The following GPR135 variants were observed in gnomAD, a reference collection of about 807,000 sequenced individuals.
GPR135 encodes G protein-coupled receptor 135, also known as G-protein coupled receptor 135.
In GPR135, 17 loss-of-function variants were observed where a neutral mutation model predicts 15.0. The ratio of observed to expected loss-of-function variants is 1.13; its 90% confidence interval spans 0.78 to 1.70. The LOEUF (loss-of-function observed/expected upper bound fraction) is 1.70, where lower values mean the gene tolerates loss of function less well. GPR135 is among the 40% of genes most tolerant of loss of function. The pLI is 0.00. For synonymous variants in GPR135, 368 were observed against 349.4 expected (o/e 1.05, Z -0.59); for missense variants, 776 against 727.0 (o/e 1.07, Z -0.78).
At position 59,464,499 on chromosome 14, in the gene GPR135, G is replaced by A. The variant is rs776615679; in HGVS notation, c.728C>T (p.Pro243Leu). Reference protein sequence around the residue: ...AWLTALGFSLPWELLGAPREL... With the variant: ...AWLTALGFSLLWELLGAPREL... ...CCGGGGCGCCCCGAGCAGCTCCCAG[G>A]GCAAGGAGAAGCCCAGGGCCGTCAG... Residue 243 changes from proline (P) to leucine (L), a missense_variant, in exon 1 of 1, where the codon CCC (proline) becomes CTC (leucine). Physicochemically the swap from Pro to Leu is moderately conservative, Grantham distance 98. Coordinates refer to ENST00000395116, the MANE Select transcript of GPR135 (RefSeq NM_022571.6). 52 of 1,543,016 alleles carry A rather than the reference G, an allele frequency of 3.4e-5. 1 individual carries two copies. In the South Asian group the frequency reaches 5.8e-4, roughly 17 times the overall value.
At position 59,464,042 on chromosome 14, in the gene GPR135, C is replaced by T. The variant is rs1594895969; in HGVS notation, c.1185G>A (p.Ser395=). 6.2e-7 allele frequency: 1 copy of T among 1,613,676 alleles called. No individual in the cohort carries two copies. The highest frequency in any genetic ancestry group is 1.3e-5 in the African/African-American group (1 of 74,950). ...VIYAIRNPNI[S]MLLGRNREEG... ...CCTCGCGGTTGCGCCCTAGGAGCAT[C>T]GAAATGTTGGGATTGCGGATGGCGT... is the stretch of plus-strand genomic sequence containing the variant. Residue 395 remains serine (S), a synonymous_variant, in exon 1 of 1, where the codon TCG becomes TCA. Coordinates refer to ENST00000395116, the MANE Select transcript of GPR135 (RefSeq NM_022571.6).
In GPR135 at chr14:59,453,368, A is replaced by G. The variant is rs183049125; in HGVS notation, c.*874+2316T>C. Among the ~76,000 whole-genome samples, 31 of 152,284 alleles carry G rather than the reference A, an allele frequency of 2.0e-4. No individual in the cohort carries two copies. In the East Asian group the frequency reaches 6.0e-3, roughly 29 times the overall value. ...TGGGAAATCTCTGTACTTTCACTCA[A>G]TTTTGCTGTGAACCTAAAGATGCTC... On this transcript the variant is annotated intron_variant and NMD_transcript_variant, in intron 6 of 6. Coordinates refer to the GPR135 transcript ENST00000481661.
rs1310554056 is a variant in GPR135 at position 59,464,589 on chromosome 14, A to G, written c.638T>C (p.Ile213Thr). 11 of 1,588,366 alleles carry G rather than the reference A, an allele frequency of 6.9e-6. No homozygotes were observed. The highest frequency in any genetic ancestry group is 9.4e-6 in the Non-Finnish European group (11 of 1,175,160). ...ALISLDRYCAIVRPPREKIGR... is the reference protein window; with the variant it reads ...ALISLDRYCATVRPPREKIGR... ...GATCTTCTCCCGCGGCGGCCGCACG[A>G]TAGCGCAGTAACGGTCCAACGAGAT... Residue 213 changes from isoleucine to threonine, a missense_variant, in exon 1 of 1, where the codon ATC becomes ACC. Physicochemically the swap from Ile to Thr is moderately conservative, Grantham distance 89 (BLOSUM62 -1). Transcript: ENST00000395116.
chr14:59,464,990 CCG>C lies in GPR135; in HGVS notation c.235_236del (p.Arg79GlyfsTer39). The C allele has an allele frequency of 2.1e-6, 3 of 1,430,406 alleles. No individual in the cohort carries two copies. The highest frequency in any genetic ancestry group is 2.7e-6 in the Non-Finnish European group (3 of 1,098,414). 88.6% of individuals were successfully genotyped at this position (1,430,406 alleles called of 1,614,324 possible). A position where few individuals can be genotyped will look rare whatever the true frequency, so the allele number is the denominator to read the frequency against. On this transcript the variant is annotated frameshift_variant, in exon 1 of 1. Transcript: ENST00000395116. LOFTEE classifies it high-confidence loss of function. ...GGGLGGSGAA[R>X]EAGAAVRRPL... is the part of the protein sequence containing the mutation. ...GCCGCCTCACCGCCGCCCCCGCCTC[CCG>C]CGCTGCCCCGGACCCGCCAAGGCCG...
At chr14:59,455,042 G>A (rs1888608258) in intron 6 of GPR135, among the ~76,000 whole-genome samples, 1 of 151,952 alleles carries the variant, frequency 6.6e-6, no homozygotes, top group South Asian at 2.1e-4. Context: ...GGAGATTGCG[G>A]TGAGCCAAGA....
chr14:59,463,679 A>G lies in GPR135; in HGVS notation c.*63T>C. 1.4e-6 allele frequency: 2 copies of G among 1,438,296 alleles called. No homozygotes were observed. Among genetic ancestry groups the G allele is most frequent in the Non-Finnish European group, 1.9e-6 (2 of 1,067,740 alleles). The allele number at this position is 1,438,296 out of a possible 1,614,324, so 89.1% of individuals were successfully genotyped here. On this transcript the variant is annotated 3_prime_UTR_variant, in exon 1 of 1. Coordinates refer to ENST00000395116, the MANE Select transcript of GPR135 (RefSeq NM_022571.6). The stretch of plus-strand genomic sequence containing the variant: ...ATGAAATCCACAACTCTCCCCCAGA[A>G]TCTTCCATCATTAAATAATGCGAGT...
In GPR135 at chr14:59,461,592, A is replaced by T. The variant is rs1888859929; in HGVS notation, c.*2150T>A. The T allele has an allele frequency of 6.6e-6, 1 of 151,934 alleles. No individual in the cohort carries two copies. Among genetic ancestry groups the T allele is most frequent in the South Asian group, 2.1e-4 (1 of 4,812 alleles). The allele number at this position is 151,934 out of a possible 1,614,324, so 9.4% of individuals were successfully genotyped here. On this transcript the variant is annotated 3_prime_UTR_variant, in exon 1 of 1. Transcript: ENST00000395116. ...TTCATGCCATCACCTTGTCACTTCC[A>T]ATCTCTCAGATTTTCCCTTCACTCA...
At position 59,464,297 on chromosome 14, in the gene GPR135, G is replaced by C. The variant is rs1230728212; in HGVS notation, c.930C>G (p.Arg310=). 1 of 1,611,890 alleles carries C rather than the reference G, an allele frequency of 6.2e-7. No individual in the cohort carries two copies. Among genetic ancestry groups the C allele is most frequent in the Non-Finnish European group, 8.5e-7 (1 of 1,179,600 alleles). The stretch of plus-strand genomic sequence containing the variant: ...GCGCGTAGGTGTTCACCGGCCGCAC[G>C]CGCACGTCCGACAGGCGCACCGTCT... The part of the protein sequence containing the change: ...ICKTVRLSDV[R]VRPVNTYARV... Residue 310 remains arginine (R), a synonymous_variant, in exon 1 of 1, where the codon CGC becomes CGG. Coordinates refer to ENST00000395116, the MANE Select transcript of GPR135 (RefSeq NM_022571.6).
In GPR135 at chr14:59,463,779, T is replaced by A. The variant is rs1594895314; in HGVS notation, c.1448A>T (p.Lys483Ile). 6.2e-7 allele frequency: 1 copy of A among 1,611,856 alleles called. No homozygotes were observed. Among genetic ancestry groups the A allele is most frequent in the East Asian group, 2.2e-5 (1 of 44,868 alleles). ...GPPEPVTAVT[K>I]QPKSEAGDTS... is the part of the protein sequence containing the mutation. The stretch of plus-strand genomic sequence containing the variant: ...ATCCCCAGCTTCGGATTTAGGCTGT[T>A]TGGTCACTGCCGTCACCGGCTCTGG... The change falls in exon 1 of 1, where the codon AAA becomes ATA. Residue 483 changes from lysine to isoleucine, a missense_variant. By Grantham distance (102) the Lys-to-Ile change is moderately radical. Transcript: ENST00000395116.
At position 59,463,824 on chromosome 14, in the gene GPR135, A is replaced by G; in HGVS notation, c.1403T>C (p.Leu468Pro). 6.2e-7 allele frequency: 1 copy of G among 1,614,202 alleles called. No homozygotes were observed. The highest frequency in any genetic ancestry group is 8.5e-7 in the Non-Finnish European group (1 of 1,180,028). Residue 468 changes from leucine (L) to proline (P), a missense_variant, in exon 1 of 1, where the codon CTT becomes CCT. Coordinates refer to ENST00000395116, the MANE Select transcript of GPR135 (RefSeq NM_022571.6). ...CTCTGGTGGTCCCTCTCGGCAGAAA[A>G]GTACAACTGGATTTTTGCGGGCCCA... is the stretch of plus-strand genomic sequence containing the variant. Reference protein sequence around the residue: ...AMWARKNPVVLFCREGPPEPV... With the variant: ...AMWARKNPVVPFCREGPPEPV...
chr14:59,464,087 CCCATTGG>C lies in GPR135; in HGVS notation c.1133_1139del (p.Ala378GlyfsTer19), dbSNP rs1423700514. 1 of 1,612,482 alleles carries C rather than the reference CCCATTGG, an allele frequency of 6.2e-7. No individual in the cohort carries two copies. Among genetic ancestry groups the C allele is most frequent in the African/African-American group, 1.3e-5 (1 of 74,944 alleles). On this transcript the variant is annotated frameshift_variant, in exon 1 of 1. Coordinates refer to ENST00000395116, the MANE Select transcript of GPR135 (RefSeq NM_022571.6). LOFTEE classifies it low-confidence loss of function (END_TRUNC). ...TGGCGTAGATGACAGGGTTGATGGC[CCCATTGG>C]CCCAGGTCAGCCAGACGGCCACCAC...
rs922252426 is a variant in GPR135, at chr14:59,453,615, T to C, written c.*874+2069A>G. On this transcript the variant is annotated intron_variant and NMD_transcript_variant, in intron 6 of 6. Transcript: ENST00000481661. The stretch of plus-strand genomic sequence containing the variant: ...ACTCCAAAATATTTTGTGATGGATG[T>C]TAAGGTGGGTTTCTCAGGGAGAACC... Among the ~76,000 whole-genome samples the C allele has an allele frequency of 3.4e-4, 52 of 152,128 alleles. 2 individuals are homozygous for C. The highest frequency in any genetic ancestry group is 7.4e-5 in the Non-Finnish European group (5 of 68,022).
Position 59,464,136 on chromosome 14 carries a change from G to T in GPR135, c.1091C>A (p.Ala364Asp), listed in dbSNP as rs574844181. Residue 364 changes from alanine to aspartate, a missense_variant, in exon 1 of 1, where the codon GCC (alanine) becomes GAC (aspartate). Ala to Asp is a moderately radical substitution (Grantham distance 126, BLOSUM62 -2). Transcript: ENST00000395116. Reference sequence around the variant, plus strand: ...GGCCACCACGCTGAGGAGCGAGGGGGCCTGCATGGTCTGGGCCTGCCGGGC... The same window carrying T: ...GGCCACCACGCTGAGGAGCGAGGGGTCCTGCATGGTCTGGGCCTGCCGGGC... ...AAARQAQTMQAPSLLSVVAVW... is the reference protein window; with the variant it reads ...AAARQAQTMQDPSLLSVVAVW... 7.5e-6 allele frequency: 12 copies of T among 1,609,636 alleles called. No homozygotes were observed. The highest frequency in any genetic ancestry group is 6.6e-5 in the South Asian group (6 of 91,054).
rs1026976850 is a variant in GPR135, at chr14:59,464,897, G to T, written c.330C>A (p.Leu110=). 1.2e-6 allele frequency: 2 copies of T among 1,604,698 alleles called. No individual in the cohort carries two copies. The part of the protein sequence containing the change: ...GAAVAAQALV[L]LLIFLLSSLG... ...GGCTAGACAGCAGGAAGATGAGCAG[G>T]AGGACGAGCGCCTGGGCCGCCACTG... Residue 110 remains leucine (L), a synonymous_variant, in exon 1 of 1, where the codon CTC becomes CTA. Coordinates refer to ENST00000395116, the MANE Select transcript of GPR135 (RefSeq NM_022571.6).
In GPR135 at chr14:59,454,608, C is replaced by T. The variant is rs569880303; in HGVS notation, c.*874+1076G>A. 1.4e-4 allele frequency among the ~76,000 whole-genome samples: 21 copies of T among 152,100 alleles called. No homozygotes were observed. In the East Asian group the frequency reaches 2.3e-3, roughly 17 times the overall value. On this transcript the variant is annotated intron_variant and NMD_transcript_variant, in intron 6 of 6. Coordinates refer to the GPR135 transcript ENST00000481661. ...CTTGTACGCACAGGACTTCCTTTAC[C>T]TTTAGGATTTTCTGTACTAAAGGAG...
At chr14:59,459,137 G>T (rs1313194177), downstream of GPR135, 3 of 152,136 alleles carry the variant, frequency 2.0e-5, no homozygotes, top group African/African-American at 4.8e-5. Context: ...GATTTAAAAT[G>T]GTTGTCTTGA....
In GPR135 at chr14:59,454,520, A is replaced by G. The variant is rs1371792786; in HGVS notation, c.*874+1164T>C. Among the ~76,000 whole-genome samples the G allele has an allele frequency of 3.3e-5, 5 of 152,216 alleles. 1 individual carries two copies. Among genetic ancestry groups the G allele is most frequent in the Admixed American group, 3.3e-4 (5 of 15,284 alleles). On this transcript the variant is annotated intron_variant and NMD_transcript_variant, in intron 6 of 6. Coordinates refer to the GPR135 transcript ENST00000481661. ...GGAATGAGAAAGGAATCTGAGTTGA[A>G]ATAAAGACAATATGTGAATAACATT...
At position 59,461,627 on chromosome 14, in the gene GPR135, T is replaced by A. The variant is rs1281523461; in HGVS notation, c.*2115A>T. 6.6e-6 allele frequency: 1 copy of A among 152,078 alleles called. No homozygotes were observed. Among genetic ancestry groups the A allele is most frequent in the Non-Finnish European group, 1.5e-5 (1 of 67,998 alleles). 9.4% of individuals were successfully genotyped at this position (152,078 alleles called of 1,614,324 possible). On this transcript the variant is annotated 3_prime_UTR_variant, in exon 1 of 1. Transcript: ENST00000395116. ...ATTTTCCCTTCACTCACCAGGTAGG[T>A]TTATTCTATATCACATTTATTTTTC...
At position 59,464,111 on chromosome 14, in the gene GPR135, G is replaced by A; in HGVS notation, c.1116C>T (p.Ala372=). 3 of 1,611,562 alleles carry A rather than the reference G, an allele frequency of 1.9e-6. No homozygotes were observed. The highest frequency in any genetic ancestry group is 1.3e-5 in the African/African-American group (1 of 75,066). The change falls in exon 1 of 1, where the codon GCC becomes GCT. Residue 372 remains alanine, a synonymous_variant. Transcript: ENST00000395116. The stretch of plus-strand genomic sequence containing the variant: ...CCCCATTGGCCCAGGTCAGCCAGAC[G>A]GCCACCACGCTGAGGAGCGAGGGGG... The part of the protein sequence containing the change: ...MQAPSLLSVV[A]VWLTWANGAI...
Sources: gnomAD v4.1 joint callset for allele counts (sites outside exome capture counted in the v4.1 genomes callset) on GRCh38, gnomAD v4.1.1 for gene constraint, MANE v1.5 for transcripts, NCBI Gene and HGNC (gene_info 2026-07-23, HGNC 2026-07-21) for gene names.